PXDNL: variants seen among roughly 807,000 people sequenced by gnomAD.
PXDNL encodes peroxidasin like.
PXDNL carries 145 observed loss-of-function variants against 150.8 expected under a neutral mutation model. That is an observed-to-expected ratio of 0.96 (90% confidence interval 0.84 to 1.10). The LOEUF (loss-of-function observed/expected upper bound fraction) is 1.10. PXDNL is among the 50% of genes least tolerant of loss of function. The pLI, the probability that PXDNL is intolerant of heterozygous loss-of-function variation, is 0.00. For missense variants in PXDNL, 2,087 were observed against 1,873.9 expected (o/e 1.11, Z -2.10); for synonymous variants, 757 against 725.7 (o/e 1.04, Z -0.69).
At chr8:51,705,864 T>C (rs1445236283) in intron 1 of PXDNL, among the ~76,000 whole-genome samples, 1 of 151,816 alleles carries the variant, frequency 6.6e-6, no homozygotes, top group Non-Finnish European at 1.5e-5. Flanking sequence ...TGCATGCACA[T>C]GTGTGCAGAT....
chr8:51,566,053 C>G (rs1250541444), intron 3 of PXDNL, among the ~76,000 whole-genome samples: 1 of 151,800 alleles, frequency 6.6e-6, no homozygotes, highest in Admixed American at 6.6e-5. Context: ...TATGCATCTT[C>G]TGATATAATC....
chr8:51,780,371 A>G (rs746608146), intron 1 of PXDNL, among the ~76,000 whole-genome samples: 6 of 152,170 alleles, frequency 3.9e-5, no homozygotes, highest in Non-Finnish European at 7.4e-5. Context: ...TTCTCAAAGA[A>G]AATTCTCAGA....
intron 19 of PXDNL, among the ~76,000 whole-genome samples, chr8:51,347,987 T>G (rs761249736): frequency 2.6e-5 from 4 of 152,240 alleles, no homozygotes; most frequent in Non-Finnish European, 2.9e-5. Context: ...AGTCTTTCTA[T>G]TTCTGAATAG....
chr8:51,352,566 CT>C (rs1806385765), intron 19 of PXDNL, among the ~76,000 whole-genome samples: 1 of 152,136 alleles, frequency 6.6e-6, no homozygotes, highest in Admixed American at 6.5e-5. Flanking sequence ...GACACTTCCC[CT>C]TTGCTCTCTC....
intron 1 of PXDNL, among the ~76,000 whole-genome samples, chr8:51,779,313 G>A (rs1260899846): frequency 6.6e-6 from 1 of 152,196 alleles, no homozygotes; most frequent in Non-Finnish European, 1.5e-5. Flanking sequence ...ATCATGATCT[G>A]ACGGCGAGGC....
Position 51,319,991 on chromosome 8 carries a change from C to A in PXDNL, c.4292G>T (p.Cys1431Phe). The A allele has an allele frequency of 1.3e-6, 2 of 1,569,094 alleles. No individual in the cohort carries two copies. The change falls in exon 23 of 23, where the codon TGT becomes TTT. Residue 1431 changes from cysteine (C) to phenylalanine (F), a missense_variant. Transcript: ENST00000356297. ...AGGACTGGGACAGGGAGCCGGGGGA[C>A]AAATCTCCACCACACAGGTGACCTG... ...SGQVTCVVEI[C>F]PPAPCPSPEL...
At chr8:51,779,397 T>C (rs928639894) in intron 1 of PXDNL, among the ~76,000 whole-genome samples, 3 of 152,002 alleles carry the variant, frequency 2.0e-5, no homozygotes, top group East Asian at 1.9e-4. Context: ...AAACAACCTG[T>C]CACAAAAATC....
At chr8:51,459,648 A>G (rs1164587848) in intron 8 of PXDNL, among the ~76,000 whole-genome samples, 2 of 152,220 alleles carry the variant, frequency 1.3e-5, no homozygotes, top group Admixed American at 1.3e-4. Context: ...CTCATGAATC[A>G]TGATGTTCCT....
intron 4 of PXDNL, among the ~76,000 whole-genome samples, chr8:51,526,219 G>A (rs911320167): frequency 3.3e-5 from 5 of 152,180 alleles, no homozygotes; most frequent in Non-Finnish European, 4.4e-5. Context: ...GGCGAGGCAG[G>A]TATTGCGAGT....
chr8:51,431,403 ACTTCTATACC>A (rs1227652851), intron 12 of PXDNL, among the ~76,000 whole-genome samples: 1 of 152,112 alleles, frequency 6.6e-6, no homozygotes, highest in Non-Finnish European at 1.5e-5. Flanking sequence ...TGCTCATGGC[ACTTCTATACC>A]CTTTATTCCA....
At chr8:51,472,346 A>G in intron 7 of PXDNL, 42 bp from the exon 8 acceptor site, 7 of 1,451,474 alleles carry the variant, frequency 4.8e-6, no homozygotes, top group Non-Finnish European at 6.7e-6. Context: ...AGAGATACAA[A>G]ATTATGGCCT....
At chr8:51,501,911 G>C (rs1811192159) in intron 4 of PXDNL, among the ~76,000 whole-genome samples, 2 of 152,198 alleles carry the variant, frequency 1.3e-5, no homozygotes, top group African/African-American at 2.4e-5. Flanking sequence ...GTTAGAAGGA[G>C]GGTCCATTAC....
intron 17 of PXDNL, among the ~76,000 whole-genome samples, chr8:51,391,094 C>T (rs1586063369): frequency 6.6e-6 from 1 of 152,316 alleles, no homozygotes. Flanking sequence ...GTTATGGCTG[C>T]ATAGTATTCC....
chr8:51,669,261 C>T (rs13270561), intron 1 of PXDNL, among the ~76,000 whole-genome samples: 82 of 152,126 alleles, frequency 5.4e-4, no homozygotes, highest in Non-Finnish European at 1.1e-3. Context: ...GAGAACTAGA[C>T]TTTAAGTCTT....
chr8:51,464,816 T>C (rs1485720174), intron 8 of PXDNL, among the ~76,000 whole-genome samples: 1 of 152,140 alleles, frequency 6.6e-6, no homozygotes, highest in Non-Finnish European at 1.5e-5. Context: ...TGTATACTTA[T>C]GTAACAAACC....
At chr8:51,657,433 C>T (rs1815173986) in intron 1 of PXDNL, among the ~76,000 whole-genome samples, 1 of 152,192 alleles carries the variant, frequency 6.6e-6, no homozygotes, top group African/African-American at 2.4e-5. Flanking sequence ...CTTGTCTACA[C>T]ATAAAGGACT....
intron 1 of PXDNL, among the ~76,000 whole-genome samples, chr8:51,698,818 G>C (rs889486534): frequency 2.6e-5 from 4 of 152,170 alleles, no homozygotes; most frequent in African/African-American, 9.7e-5. Context: ...TCCATATGCT[G>C]CAAAGCAAAT....
rs556701304 is a variant in PXDNL at position 51,582,667 on chromosome 8, T to A, written c.308+9960A>T. ...GATTTTATGATTTGAGCAGATAGAATGTAAAATGATGTTTTTTTAAATGAC... is the reference window on the plus strand; with the variant it reads ...GATTTTATGATTTGAGCAGATAGAAAGTAAAATGATGTTTTTTTAAATGAC... On this transcript the variant is annotated intron_variant, in intron 3 of 22. Transcript: ENST00000356297. 2.9e-3 allele frequency among the ~76,000 whole-genome samples: 445 copies of A among 152,300 alleles called. 1 individual carries two copies. Among genetic ancestry groups the A allele is most frequent in the Non-Finnish European group, 4.9e-3 (334 of 68,018 alleles).
intron 2 of PXDNL, among the ~76,000 whole-genome samples, chr8:51,635,294 G>A (rs2130763908): frequency 6.6e-6 from 1 of 152,120 alleles, no homozygotes; most frequent in African/African-American, 2.4e-5. Flanking sequence ...ATCTCAAATG[G>A]ATAACCTAAC....
Sources: allele counts gnomAD v4.1 joint callset (sites outside exome capture counted in the v4.1 genomes callset), GRCh38; gene constraint gnomAD v4.1.1; transcripts MANE v1.5; gene names NCBI Gene and HGNC (gene_info 2026-07-23, HGNC 2026-07-21).